The following CLDN10 variants were observed in gnomAD, a reference collection of about 807,000 sequenced individuals.
CLDN10 encodes claudin 10, also known as claudin-10.
Under a neutral mutation model 22.9 loss-of-function variants are expected in CLDN10, and 15 were observed. The observed-to-expected ratio is 0.65, with a 90% CI of 0.44 to 1.01. The LOEUF is 1.01. Among genes scored for constraint, CLDN10 ranks in the 50% least tolerant of loss-of-function variants. The probability of loss-of-function intolerance (pLI) is 0.00; values close to 1 mark genes in which losing one functional copy is unlikely to be tolerated. For synonymous variants in CLDN10, 114 were observed against 111.4 expected (o/e 1.02, Z -0.15); for missense variants, 247 against 287.8 (o/e 0.86, Z 1.03).
chr13:95,468,637 G>A (rs2042601491), intron 1 of CLDN10, among the ~76,000 whole-genome samples: 1 of 151,870 alleles, frequency 6.6e-6, no homozygotes, highest in Admixed American at 6.6e-5. Flanking sequence ...GAGGTGGGAG[G>A]ATCATTTGAA....
At chr13:95,577,862 G>A in intron 4 of CLDN10, 38 bp from the exon 5 acceptor site, 1 of 1,403,338 alleles carries the variant, frequency 7.1e-7, no homozygotes, top group Non-Finnish European at 1.0e-6. Flanking sequence ...TGCCCTATGT[G>A]TAGAATAGAA....
At chr13:95,478,060 C>G (rs547570759) in intron 1 of CLDN10, among the ~76,000 whole-genome samples, 1 of 152,186 alleles carries the variant, frequency 6.6e-6, no homozygotes, top group Admixed American at 6.5e-5. Flanking sequence ...AATTCCAGCA[C>G]TTTGGGAGGC....
chr13:95,525,734 CA>C (rs1189511913), intron 1 of CLDN10, among the ~76,000 whole-genome samples: 7 of 152,146 alleles, frequency 4.6e-5, no homozygotes, highest in Admixed American at 6.5e-5. Context: ...TCAAGTGATC[CA>C]CCCACCTCAG....
chr13:95,445,063 G>A (rs924089023), intron 1 of CLDN10, among the ~76,000 whole-genome samples: 3 of 152,140 alleles, frequency 2.0e-5, no homozygotes, highest in Non-Finnish European at 4.4e-5. Context: ...GGCAGGAGCC[G>A]CCACGCCTGG....
At chr13:95,568,883 G>A (rs1417586967) in intron 3 of CLDN10, among the ~76,000 whole-genome samples, 1 of 152,092 alleles carries the variant, frequency 6.6e-6, no homozygotes, top group Admixed American at 6.5e-5. Flanking sequence ...TCAAGAATAA[G>A]GACTCTGGAT....
chr13:95,502,763 C>T (rs944161345), intron 1 of CLDN10, among the ~76,000 whole-genome samples: 13 of 152,154 alleles, frequency 8.5e-5, no homozygotes, highest in Admixed American at 4.6e-4. Context: ...TCAAGTGATC[C>T]GCCCGCCTCA....
intron 1 of CLDN10, among the ~76,000 whole-genome samples, chr13:95,443,155 A>T (rs1485139800): frequency 6.6e-6 from 1 of 152,172 alleles, no homozygotes; most frequent in African/African-American, 2.4e-5. Flanking sequence ...TTTTTGGGGA[A>T]ATGGCCAGCA....
intron 1 of CLDN10, among the ~76,000 whole-genome samples, chr13:95,448,415 A>T (rs7333788): frequency 0.1 from 15,528 of 152,186 alleles, 1,043 homozygotes; most frequent in East Asian, 0.27. Flanking sequence ...TCCACACATA[A>T]CTACCTACAT....
chr13:95,527,102 T>G (rs2043289776), intron 1 of CLDN10, among the ~76,000 whole-genome samples: 1 of 152,168 alleles, frequency 6.6e-6, no homozygotes, highest in Non-Finnish European at 1.5e-5. Flanking sequence ...TTTTGCCACC[T>G]TCTTCCAAAG....
chr13:95,556,164 G>T (rs879284207), intron 1 of CLDN10, among the ~76,000 whole-genome samples: 8 of 151,942 alleles, frequency 5.3e-5, no homozygotes, highest in Admixed American at 2.0e-4. Context: ...TCCTGCCTCA[G>T]CCTCCTGAGT....
intron 1 of CLDN10, among the ~76,000 whole-genome samples, chr13:95,513,523 C>G (rs577496975): frequency 3.8e-4 from 56 of 146,908 alleles, no homozygotes; most frequent in Non-Finnish European, 7.6e-4. Context: ...ACCCTTCTTG[C>G]TCAACATCCT....
At chr13:95,481,203 G>A (rs1053721695) in intron 1 of CLDN10, among the ~76,000 whole-genome samples, 16 of 152,180 alleles carry the variant, frequency 1.1e-4, no homozygotes, top group Non-Finnish European at 1.8e-4. Flanking sequence ...CCAGGAGGAC[G>A]CATGCCCTTG....
chr13:95,555,510 A>G (rs1452853581), intron 1 of CLDN10, among the ~76,000 whole-genome samples: 1 of 151,974 alleles, frequency 6.6e-6, no homozygotes, highest in African/African-American at 2.4e-5. Context: ...ATGATTTGTC[A>G]GTCCTTGATT....
chr13:95,574,984 T>A (rs1300750944), intron 3 of CLDN10, among the ~76,000 whole-genome samples: 1 of 152,062 alleles, frequency 6.6e-6, no homozygotes, highest in East Asian at 1.9e-4. Flanking sequence ...TGTGCCAAGC[T>A]ATGCTTATGA....
chr13:95,577,963 T>C lies in CLDN10; in HGVS notation c.636T>C (p.Asp212=), dbSNP rs1458302687. 6.2e-7 allele frequency: 1 copy of C among 1,613,814 alleles called. No individual in the cohort carries two copies. Among genetic ancestry groups the C allele is most frequent in the East Asian group, 2.2e-5 (1 of 44,884 alleles). The change falls in exon 5 of 5, where the codon GAT becomes GAC. Residue 212 remains aspartate (D), a synonymous_variant. Transcript: ENST00000299339. ...GGACAAAGTATCATGGTGGAGAAGATTTTAAAACAACAAACCCTTCAAAAC... is the reference window on the plus strand; with the variant it reads ...GGACAAAGTATCATGGTGGAGAAGACTTTAAAACAACAAACCCTTCAAAAC... ...SSRTKYHGGE[D]FKTTNPSKQF... is the part of the protein sequence containing the mutation.
intron 1 of CLDN10, among the ~76,000 whole-genome samples, chr13:95,447,384 GCCTT>G (rs1399837504): frequency 6.6e-6 from 1 of 152,142 alleles, no homozygotes; most frequent in Non-Finnish European, 1.5e-5. Context: ...ACTTTGCTCA[GCCTT>G]CCAGCTCCTG....
chr13:95,521,319 G>A (rs1408791513), intron 1 of CLDN10, among the ~76,000 whole-genome samples: 2 of 152,172 alleles, frequency 1.3e-5, no homozygotes, highest in Non-Finnish European at 2.9e-5. Flanking sequence ...CTTTGGGGAT[G>A]TGTATCTACT....
At chr13:95,574,632 T>C (rs2138685378) in intron 3 of CLDN10, among the ~76,000 whole-genome samples, 1 of 152,120 alleles carries the variant, frequency 6.6e-6, no homozygotes, top group Admixed American at 6.5e-5. Context: ...TAGCTGGGCA[T>C]GGTGGCACAC....
At position 95,498,578 on chromosome 13, in the gene CLDN10, A is replaced by G. The variant is rs1023988060; in HGVS notation, c.215-61554A>G. Among the ~76,000 whole-genome samples, 12 of 152,174 alleles carry G rather than the reference A, an allele frequency of 7.9e-5. No individual in the cohort carries two copies. In the Middle Eastern group the frequency reaches 0.01, roughly 129 times the overall value. On this transcript the variant is annotated intron_variant, in intron 1 of 4. Transcript: ENST00000376873. Reference sequence around the variant, plus strand: ...CCTGGCTGATTTTTGTATTTTTAGTAGAGATGGGGTTTCACCATGTTTGCC... The same window carrying G: ...CCTGGCTGATTTTTGTATTTTTAGTGGAGATGGGGTTTCACCATGTTTGCC...
Sources: gnomAD v4.1 joint callset for allele counts (sites outside exome capture counted in the v4.1 genomes callset) on GRCh38, gnomAD v4.1.1 for gene constraint, MANE v1.5 for transcripts, NCBI Gene and HGNC (gene_info 2026-07-23, HGNC 2026-07-21) for gene names.